GABRG1: variants seen among roughly 807,000 people sequenced by gnomAD.
GABRG1 encodes gamma-aminobutyric acid receptor subunit gamma-1.
Under a neutral mutation model 49.8 loss-of-function variants are expected in GABRG1, and 49 were observed. The ratio of observed to expected loss-of-function variants is 0.98; its 90% CI spans 0.78 to 1.25. The LOEUF (loss-of-function observed/expected upper bound fraction) is 1.25. Ranked by LOEUF, GABRG1 falls within the 50% of genes most tolerant of loss-of-function variation. GABRG1 has a pLI of 0.00. For synonymous variants in GABRG1, 232 were observed against 185.1 expected (o/e 1.25, Z -2.06); for missense variants, 552 against 552.3 (o/e 1.00, Z 0.01).
chr4:46,106,680 T>C (rs1005647369), intron 1 of GABRG1, among the ~76,000 whole-genome samples: 2 of 151,388 alleles, frequency 1.3e-5, no homozygotes, highest in Admixed American at 1.3e-4. Flanking sequence ...GTATATGAAC[T>C]CCTCTCACCT....
chr4:46,117,628 A>G (rs1189757651), intron 1 of GABRG1, among the ~76,000 whole-genome samples: 24 of 144,172 alleles, frequency 1.7e-4, no homozygotes, highest in African/African-American at 5.8e-4. Context: ...ATATATACAC[A>G]TATGTATACA....
chr4:46,118,692 A>C (rs770397771), intron 1 of GABRG1, among the ~76,000 whole-genome samples: 1 of 151,238 alleles, frequency 6.6e-6, no homozygotes, highest in African/African-American at 2.4e-5. Flanking sequence ...AATGAACGGT[A>C]GTGCTCAGTG....
chr4:46,058,964 C>T (rs1404466490), intron 5 of GABRG1, among the ~76,000 whole-genome samples: 1 of 152,028 alleles, frequency 6.6e-6, no homozygotes, highest in Admixed American at 6.6e-5. Context: ...ATAGATTTTT[C>T]ATATGCATTT....
intron 2 of GABRG1, among the ~76,000 whole-genome samples, chr4:46,091,123 G>A (rs1719975464): frequency 2.0e-5 from 3 of 152,020 alleles, no homozygotes; most frequent in Admixed American, 2.0e-4. Flanking sequence ...CAGGAAGAGA[G>A]TTGAGCTATT....
At chr4:46,091,470 A>C (rs1719987460) in intron 2 of GABRG1, among the ~76,000 whole-genome samples, 1 of 152,112 alleles carries the variant, frequency 6.6e-6, no homozygotes, top group Non-Finnish European at 1.5e-5. Context: ...AAGTTACTCA[A>C]GTTATCAAGA....
intron 5 of GABRG1, among the ~76,000 whole-genome samples, 162 bp downstream of exon 5, chr4:46,064,279 A>G (rs1670253653): frequency 6.6e-6 from 1 of 152,078 alleles, no homozygotes; most frequent in African/African-American, 2.4e-5. Context: ...CTTTTAGTTT[A>G]AAAGCAAGAA....
At position 46,101,131 on chromosome 4, in the gene GABRG1, G is replaced by A. The variant is rs1185163342; in HGVS notation, c.105-3782C>T. 4.0e-5 allele frequency among the ~76,000 whole-genome samples: 6 copies of A among 151,314 alleles called. No homozygotes were observed. The East Asian group carries it at 1.2e-3, about 30-fold the overall frequency. ...ATATTTATTTGGAAGAAACAGGTAT[G>A]ATTTTTTAAAAATAATACTCTGAGA... On this transcript the variant is annotated intron_variant, in intron 1 of 8. Coordinates refer to ENST00000295452, the MANE Select transcript of GABRG1 (RefSeq NM_173536.4).
intron 2 of GABRG1, among the ~76,000 whole-genome samples, chr4:46,087,084 T>G (rs955221487): frequency 4.0e-5 from 6 of 151,674 alleles, no homozygotes; most frequent in Non-Finnish European, 5.9e-5. Context: ...GTATAATTTT[T>G]TTTTCTTGTA....
At chr4:46,094,897 A>G (rs1235773709) in intron 2 of GABRG1, among the ~76,000 whole-genome samples, 1 of 152,004 alleles carries the variant, frequency 6.6e-6, no homozygotes, top group Non-Finnish European at 1.5e-5. Context: ...GATCCAATAC[A>G]AATCAATTGT....
chr4:46,049,944 C>T (rs2109396451), intron 8 of GABRG1, among the ~76,000 whole-genome samples: 1 of 151,870 alleles, frequency 6.6e-6, no homozygotes, highest in Non-Finnish European at 1.5e-5. Flanking sequence ...CATTGCCTGG[C>T]CTCTATATTA....
chr4:46,043,932 A>G, intron 8 of GABRG1, among the ~76,000 whole-genome samples: 1 of 152,118 alleles, frequency 6.6e-6, no homozygotes, highest in Admixed American at 6.6e-5. Flanking sequence ...ATTTACATAT[A>G]GTTATTACTT....
At chr4:46,077,231 C>T (rs1474469370) in intron 3 of GABRG1, among the ~76,000 whole-genome samples, 1 of 151,556 alleles carries the variant, frequency 6.6e-6, no homozygotes, top group Non-Finnish European at 1.5e-5. Context: ...AGCACACCAA[C>T]ATGGCACATG....
intron 2 of GABRG1, among the ~76,000 whole-genome samples, chr4:46,091,266 T>G (rs1041379968): frequency 6.6e-5 from 10 of 152,040 alleles, no homozygotes; most frequent in Admixed American, 1.3e-4. Context: ...TCTGACCAAA[T>G]GACAGTGATT....
chr4:46,092,358 A>C (rs1248277563), intron 2 of GABRG1, among the ~76,000 whole-genome samples: 1 of 152,000 alleles, frequency 6.6e-6, no homozygotes, highest in African/African-American at 2.4e-5. Context: ...AAAGGTTTGA[A>C]ATTTCTTTGA....
intron 1 of GABRG1, among the ~76,000 whole-genome samples, chr4:46,110,859 AAG>A (rs1204982732): frequency 6.7e-6 from 1 of 150,322 alleles, no homozygotes; most frequent in African/African-American, 2.4e-5. Context: ...TCAAAATAAT[AAG>A]AGTCATCTAT....
intron 1 of GABRG1, among the ~76,000 whole-genome samples, chr4:46,097,700 T>G (rs2109431669): frequency 6.6e-6 from 1 of 151,704 alleles, no homozygotes; most frequent in South Asian, 2.1e-4. Context: ...GTGGTGACCT[T>G]AAACCATCAC....
chr4:46,109,513 T>C (rs1720656043), intron 1 of GABRG1, among the ~76,000 whole-genome samples: 1 of 151,118 alleles, frequency 6.6e-6, no homozygotes, highest in African/African-American at 2.4e-5. Context: ...TCCATTACAT[T>C]CAGTTCTGTT....
chr4:46,056,680 G>A (rs894158397), intron 7 of GABRG1, among the ~76,000 whole-genome samples: 2 of 151,910 alleles, frequency 1.3e-5, no homozygotes, highest in African/African-American at 4.8e-5. Flanking sequence ...TAACACTAAA[G>A]CACCAAAAAC....
At chr4:46,098,660 C>G (rs1314456591) in intron 1 of GABRG1, among the ~76,000 whole-genome samples, 2 of 151,646 alleles carry the variant, frequency 1.3e-5, no homozygotes, top group East Asian at 3.9e-4. Context: ...GTTGGACTAC[C>G]CTGGTCTTGA....
Sources: gnomAD v4.1 joint callset for allele counts (sites outside exome capture counted in the v4.1 genomes callset) on GRCh38, gnomAD v4.1.1 for gene constraint, MANE v1.5 for transcripts, NCBI Gene and HGNC (gene_info 2026-07-23, HGNC 2026-07-21) for gene names.